DLG2: variants seen among roughly 807,000 people sequenced by gnomAD.
The protein encoded by DLG2 is disks large homolog 2.
A neutral mutation model predicts 132.5 loss-of-function variants in DLG2; 45 were observed. The ratio of observed to expected loss-of-function variants is 0.34; its 90% CI spans 0.27 to 0.44. DLG2 has a LOEUF of 0.44. Ranked by LOEUF, DLG2 falls within the 20% of genes least tolerant of loss-of-function variation. The pLI, the probability that DLG2 is intolerant of heterozygous loss-of-function variation, is 1.00. For missense variants in DLG2, 1,045 were observed against 1,196.9 expected, an observed-to-expected ratio of 0.87 and a Z score of 1.87; for synonymous variants, 424 against 419.6, an observed-to-expected ratio of 1.01 and a Z score of -0.13.
At chr11:85,018,790 CTT>C (rs59380438) in intron 6 of DLG2, among the ~76,000 whole-genome samples, 2,294 of 135,576 alleles carry the variant, frequency 0.017, 50 homozygotes, top group African/African-American at 0.055. Flanking sequence ...AACATGCCTT[CTT>C]TTTTTTTTTT....
chr11:83,731,473 CT>C (rs1200288897), intron 18 of DLG2, among the ~76,000 whole-genome samples: 2 of 152,058 alleles, frequency 1.3e-5, no homozygotes, highest in African/African-American at 4.8e-5. Context: ...GATTTCATTC[CT>C]TTTTTATGGG....
At chr11:83,529,895 T>C (rs572575084) in intron 21 of DLG2, among the ~76,000 whole-genome samples, 7 of 152,212 alleles carry the variant, frequency 4.6e-5, no homozygotes, top group Admixed American at 3.3e-4. Context: ...GTGTTTAACA[T>C]GTATAATTAG....
intron 6 of DLG2, among the ~76,000 whole-genome samples, chr11:84,760,932 G>A (rs546403683): frequency 3.9e-5 from 6 of 152,132 alleles, no homozygotes; most frequent in South Asian, 4.1e-4. Context: ...CATCCATCTC[G>A]CTGAGAGCCC....
intron 7 of DLG2, among the ~76,000 whole-genome samples, chr11:84,359,888 G>A (rs960953884): frequency 1.3e-5 from 2 of 151,724 alleles, no homozygotes; most frequent in African/African-American, 4.8e-5. Context: ...TCAGTTCATC[G>A]AACTCTGATA....
At chr11:84,503,073 C>T in intron 7 of DLG2, among the ~76,000 whole-genome samples, 1 of 152,082 alleles carries the variant, frequency 6.6e-6, no homozygotes, top group East Asian at 1.9e-4. Context: ...AGTGGTGTTT[C>T]TAATAATGAT....
At chr11:83,901,929 T>C (rs790352) in intron 15 of DLG2, among the ~76,000 whole-genome samples, 14,806 of 152,198 alleles carry the variant, frequency 0.097, 892 homozygotes, top group South Asian at 0.12. Context: ...GTAGTATATA[T>C]TATGGAAGAT....
At chr11:84,463,539 G>A (rs577396648) in intron 7 of DLG2, among the ~76,000 whole-genome samples, 4 of 151,256 alleles carry the variant, frequency 2.6e-5, no homozygotes, top group African/African-American at 9.7e-5. Context: ...ACAAGAGAAG[G>A]GGAGGATGAG....
At chr11:84,030,660 T>C (rs1313315220) in intron 11 of DLG2, among the ~76,000 whole-genome samples, 1 of 152,192 alleles carries the variant, frequency 6.6e-6, no homozygotes, top group Non-Finnish European at 1.5e-5. Context: ...GAATTCATGA[T>C]ATGTTTCCCA....
At chr11:84,737,143 G>A (rs1469418008) in intron 6 of DLG2, among the ~76,000 whole-genome samples, 8 of 151,586 alleles carry the variant, frequency 5.3e-5, no homozygotes, top group Non-Finnish European at 8.8e-5. Context: ...ATTTTTTTAG[G>A]TGATTAATAT....
intron 6 of DLG2, among the ~76,000 whole-genome samples, chr11:84,824,218 T>G (rs906003444): frequency 1.1e-4 from 16 of 151,974 alleles, no homozygotes; most frequent in African/African-American, 3.9e-4. Flanking sequence ...CCTTATCTTC[T>G]GCTCACATCT....
rs141930942 is a variant in DLG2 at position 84,655,411 on chromosome 11, C to T, written c.358-120680G>A. On this transcript the variant is annotated intron_variant, in intron 6 of 27. Transcript: ENST00000376104. ...GGCACAAATAATCCTTAATCTCCTT[C>T]GAGCCAAGAGTTAAATGTTTCTCTT... is the stretch of plus-strand genomic sequence containing the variant. 3.8e-4 allele frequency among the ~76,000 whole-genome samples: 58 copies of T among 152,232 alleles called. No individual in the cohort carries two copies. In the East Asian group the frequency reaches 7.3e-3, roughly 19 times the overall value.
chr11:85,009,254 T>C (rs1208084684), intron 6 of DLG2, among the ~76,000 whole-genome samples: 1 of 152,112 alleles, frequency 6.6e-6, no homozygotes, highest in African/African-American at 2.4e-5. Flanking sequence ...AAAGCCTCTA[T>C]TTGTCTCAAG....
intron 6 of DLG2, among the ~76,000 whole-genome samples, chr11:84,953,575 C>A (rs896581855): frequency 3.0e-4 from 45 of 151,900 alleles, no homozygotes; most frequent in Admixed American, 8.5e-4. Flanking sequence ...AAATCTTATT[C>A]CCCTTATCAA....
chr11:85,062,065 T>C (rs976671225), intron 6 of DLG2, among the ~76,000 whole-genome samples: 3 of 151,836 alleles, frequency 2.0e-5, no homozygotes, highest in Non-Finnish European at 4.4e-5. Context: ...TTGGAAGTTA[T>C]AGTAAATAGG....
intron 17 of DLG2, among the ~76,000 whole-genome samples, chr11:83,801,311 C>A (rs1157097091): frequency 1.3e-5 from 2 of 152,152 alleles, no homozygotes; most frequent in African/African-American, 2.4e-5. Flanking sequence ...TCCCACCCTC[C>A]TCTATCCCCT....
chr11:85,414,619 C>G (rs1337956346), intron 3 of DLG2, among the ~76,000 whole-genome samples: 2 of 151,784 alleles, frequency 1.3e-5, no homozygotes, highest in African/African-American at 2.4e-5. Flanking sequence ...TCCATTTGTT[C>G]CAGCGTATAG....
At chr11:83,833,352 C>G (rs865889655) in intron 17 of DLG2, among the ~76,000 whole-genome samples, 47 of 152,194 alleles carry the variant, frequency 3.1e-4, no homozygotes, top group Middle Eastern at 6.8e-3. Flanking sequence ...GCAGGAGAAT[C>G]ACCTCAACCC....
At chr11:84,356,597 A>G (rs1029178812) in intron 7 of DLG2, among the ~76,000 whole-genome samples, 1 of 152,156 alleles carries the variant, frequency 6.6e-6, no homozygotes, top group Non-Finnish European at 1.5e-5. Context: ...TATCTGATTT[A>G]TAATCATGAT....
chr11:85,425,908 T>A (rs2090685366), intron 3 of DLG2, among the ~76,000 whole-genome samples: 1 of 152,198 alleles, frequency 6.6e-6, no homozygotes, highest in Non-Finnish European at 1.5e-5. Context: ...GAGTGACAGA[T>A]GGCACCTGGA....
Sources: allele counts gnomAD v4.1 joint callset (sites outside exome capture counted in the v4.1 genomes callset), GRCh38; gene constraint gnomAD v4.1.1; transcripts MANE v1.5; gene names NCBI Gene and HGNC (gene_info 2026-07-23, HGNC 2026-07-21).